Variants in TENM1 observed in about 807,000 individuals in gnomAD.
TENM1 encodes the protein teneurin-1.
TENM1 carries 35 observed loss-of-function variants against 174.8 expected under a neutral mutation model. The ratio of observed to expected loss-of-function variants is 0.20; its 90% CI spans 0.15 to 0.27. The LOEUF (loss-of-function observed/expected upper bound fraction) is 0.27. TENM1 is among the 10% of genes least tolerant of loss of function. The pLI is 1.00. For missense variants in TENM1, 1,633 were observed against 2,130.1 expected (o/e 0.77, Z 4.59); for synonymous variants, 781 against 798.7 (o/e 0.98, Z 0.37).
intron 10 of TENM1, 26 bp downstream of exon 13, chrX:124,645,117 G>C: frequency 1.7e-6 from 2 of 1,189,989 alleles, no homozygotes; most frequent in Non-Finnish European, 2.3e-6. Context: ...AAAGCCTGAA[G>C]CAATAGATTA....
At position 124,383,432 on chromosome X, in the gene TENM1, G is replaced by A. The variant is rs923901101; in HGVS notation, c.7297+202C>T. On this transcript the variant is annotated intron_variant, in intron 30 of 31. Coordinates refer to ENST00000422452, the Ensembl canonical transcript of TENM1. ...TAAAACACAGAAACAGCTAAAAAATGTAGTAGGATGCAAAAGTATTATATG... is the reference window on the plus strand; with the variant it reads ...TAAAACACAGAAACAGCTAAAAAATATAGTAGGATGCAAAAGTATTATATG... Among the ~76,000 whole-genome samples, 8 of 112,031 alleles carry A rather than the reference G, an allele frequency of 7.1e-5. No homozygotes were observed. The East Asian group carries it at 1.9e-3, about 27-fold the overall frequency.
At chrX:124,769,101 A>G (rs2054595766) in intron 3 of TENM1, among the ~76,000 whole-genome samples, 1 of 112,225 alleles carries the variant, frequency 8.9e-6, no homozygotes, top group South Asian at 3.7e-4. Context: ...GTTAAATACA[A>G]TTATTATTAT....
At chrX:124,810,975 A>T (rs2055757688) in intron 3 of TENM1, among the ~76,000 whole-genome samples, 1 of 111,621 alleles carries the variant, frequency 9.0e-6, no homozygotes, top group Admixed American at 9.6e-5. Flanking sequence ...TAAAGTTGTT[A>T]AGAAATCTGG....
chrX:124,662,056 C>T (rs760152560), intron 6 of TENM1, among the ~76,000 whole-genome samples: 2 of 111,222 alleles, frequency 1.8e-5, no homozygotes, highest in Non-Finnish European at 3.8e-5. Flanking sequence ...AAGGCTCCTC[C>T]CTCCTCTTCT....
At chrX:124,403,979 G>C (rs1240180663) in intron 27 of TENM1, among the ~76,000 whole-genome samples, 1 of 111,506 alleles carries the variant, frequency 9.0e-6, no homozygotes, top group African/African-American at 3.3e-5. Flanking sequence ...ATAGGGGAAC[G>C]ACACAGCAAC....
At chrX:125,076,004 T>C in the TENM1 span, among the ~76,000 whole-genome samples, 5 of 111,907 alleles carry the variant, frequency 4.5e-5, no homozygotes, top group African/African-American at 1.6e-4. Context: ...ATGGTATATT[T>C]CCTTTGACTT....
intron 5 of TENM1, among the ~76,000 whole-genome samples, chrX:124,694,239 A>G (rs5958561): frequency 0.23 from 25,084 of 110,467 alleles, 3,635 homozygotes; most frequent in African/African-American, 0.54. Context: ...AGATTGTTCA[A>G]ACAGTTTTTT....
chrX:125,077,809 T>C, the TENM1 span, among the ~76,000 whole-genome samples: 1 of 111,889 alleles, frequency 8.9e-6, no homozygotes, highest in Non-Finnish European at 1.9e-5. Flanking sequence ...ATCCCACTTA[T>C]GTCCAAGGTG....
intron 1 of TENM1, among the ~76,000 whole-genome samples, chrX:124,952,122 G>A (rs2058497973): frequency 9.0e-6 from 1 of 111,246 alleles, no homozygotes; most frequent in African/African-American, 3.3e-5. Context: ...CATACCTGGG[G>A]CTTAGAGTAT....
chrX:124,419,910 C>T (rs768085125), intron 25 of TENM1, among the ~76,000 whole-genome samples: 23 of 111,999 alleles, frequency 2.1e-4, no homozygotes, highest in Non-Finnish European at 3.6e-4. Flanking sequence ...TTCATTAAAC[C>T]CCACAGGGCT....
chrX:124,532,549 T>C (rs2148076660), intron 15 of TENM1, among the ~76,000 whole-genome samples: 1 of 111,793 alleles, frequency 8.9e-6, no homozygotes, highest in African/African-American at 3.2e-5. Context: ...GAAGCACACA[T>C]ATTTGTGTGA....
intron 27 of TENM1, among the ~76,000 whole-genome samples, chrX:124,398,100 C>G (rs1253907568): frequency 1.8e-5 from 2 of 108,799 alleles, no homozygotes; most frequent in African/African-American, 6.7e-5. Context: ...TGGTGGCAGG[C>G]GCCTGTAATC....
At chrX:124,456,630 T>C (rs770534964) in intron 22 of TENM1, among the ~76,000 whole-genome samples, 10 of 112,034 alleles carry the variant, frequency 8.9e-5, no homozygotes, top group Middle Eastern at 4.6e-3. Context: ...GGGATAGTGA[T>C]GATGCTGTAG....
chrX:124,561,629 G>A, intron 14 of TENM1, 42 bp downstream of exon 17: 1 of 1,203,145 alleles, frequency 8.3e-7, no homozygotes, highest in Non-Finnish European at 1.1e-6. Flanking sequence ...GCTAGAGGCT[G>A]GGCTATTCCT....
chrX:124,909,950 A>G (rs1308431631), intron 1 of TENM1, among the ~76,000 whole-genome samples: 1 of 112,496 alleles, frequency 8.9e-6, no homozygotes, highest in Non-Finnish European at 1.9e-5. Context: ...AGGTAGTATT[A>G]TCATCTCATG....
At chrX:124,973,099 T>C in the TENM1 span, among the ~76,000 whole-genome samples, 1 of 111,572 alleles carries the variant, frequency 9.0e-6, no homozygotes, top group African/African-American at 3.3e-5. Flanking sequence ...AAGGAAGGGG[T>C]CCAGTTTCAG....
At chrX:124,406,926 CTT>C (rs1210535295) in intron 25 of TENM1, among the ~76,000 whole-genome samples, 2 of 111,521 alleles carry the variant, frequency 1.8e-5, no homozygotes, top group Admixed American at 9.5e-5. Context: ...AATATACTGA[CTT>C]TGGGTTATGA....
chrX:125,117,560 G>A, the TENM1 span, among the ~76,000 whole-genome samples: 1 of 110,802 alleles, frequency 9.0e-6, no homozygotes, highest in South Asian at 3.9e-4. Context: ...AGGGGGTAGG[G>A]GATTAGGGGA....
chrX:124,400,550 T>C (rs2060387470), intron 27 of TENM1, among the ~76,000 whole-genome samples: 1 of 112,452 alleles, frequency 8.9e-6, no homozygotes, highest in Non-Finnish European at 1.9e-5. Context: ...TCCTACCTGA[T>C]TTTATAATTT....
Sources: gnomAD v4.1 joint callset for allele counts (sites outside exome capture counted in the v4.1 genomes callset) on GRCh38, gnomAD v4.1.1 for gene constraint, MANE v1.5 for transcripts, NCBI Gene and HGNC (gene_info 2026-07-23, HGNC 2026-07-21) for gene names.